Variants in COX7A2L observed in about 807,000 individuals in gnomAD.
COX7A2L encodes cytochrome c oxidase subunit 7A2 like, also known as cytochrome c oxidase subunit 7A2-like, mitochondrial.
Under a neutral mutation model 14.2 loss-of-function variants are expected in COX7A2L, and 18 were observed. The ratio of observed to expected loss-of-function variants is 1.27; its 90% confidence interval spans 0.88 to 1.88. COX7A2L has a LOEUF of 1.88. Among genes scored for constraint, COX7A2L ranks in the 40% most tolerant of loss-of-function variants. The pLI, the probability that COX7A2L is intolerant of heterozygous loss-of-function variation, is 0.00. For missense variants in COX7A2L, 179 were observed against 138.8 expected, an observed-to-expected ratio of 1.29 and a Z score of -1.46; for synonymous variants, 65 against 57.4, an observed-to-expected ratio of 1.13 and a Z score of -0.60.
intron 1 of COX7A2L, among the ~76,000 whole-genome samples, chr2:42,366,854 C>T (rs1465428739): frequency 6.6e-6 from 1 of 152,136 alleles, no homozygotes; most frequent in Non-Finnish European, 1.5e-5. Flanking sequence ...TTCAGCCTCC[C>T]TTCCCCAGAA....
chr2:42,338,369 A>G lies in COX7A2L; in HGVS notation c.193-4500T>C, dbSNP rs1166799025. Among the ~76,000 whole-genome samples the G allele has an allele frequency of 6.6e-6, 1 of 152,120 alleles. No individual in the cohort carries two copies. Among genetic ancestry groups the G allele is most frequent in the Admixed American group, 6.5e-5 (1 of 15,274 alleles). On this transcript the variant is annotated intron_variant, in intron 2 of 2. Coordinates refer to the COX7A2L transcript ENST00000468711. The surrounding 1 kb of genome is among the most constrained non-coding windows in gnomAD (Gnocchi z 4.4). ...TTAATCAAATGGAAAGGAAGAGCAGAATTTCACTCTCTAGCAGAGCCCTCC... is the reference window on the plus strand; with the variant it reads ...TTAATCAAATGGAAAGGAAGAGCAGGATTTCACTCTCTAGCAGAGCCCTCC...
At chr2:42,360,899 G>A (rs1398226111) in intron 1 of COX7A2L, 191 bp downstream of exon 1, 1 of 644,562 alleles carries the variant, frequency 1.6e-6, no homozygotes, top group African/African-American at 1.8e-5. Flanking sequence ...CCCGCCAGGT[G>A]AGCAGGTACA....
At chr2:42,353,635 ATC>A (rs1670722102) in intron 1 of COX7A2L, among the ~76,000 whole-genome samples, 1 of 152,176 alleles carries the variant, frequency 6.6e-6, no homozygotes, top group Non-Finnish European at 1.5e-5. Context: ...TTCATGAGGG[ATC>A]TGTCTGCCAT....
Position 42,351,252 on chromosome 2 carries a change from G to A in COX7A2L, c.312C>T (p.Ala104=), listed in dbSNP as rs778980599. The A allele has an allele frequency of 3.1e-6, 5 of 1,614,008 alleles. No individual in the cohort carries two copies. In the East Asian group the frequency reaches 6.7e-5, roughly 22 times the overall value. The change falls in exon 3 of 3, where the codon GCC becomes GCT. Residue 104 remains alanine (A), a synonymous_variant. Transcript: ENST00000234301. ...TVGGTIYCLI[A]LYMASQPKNK ...TTTTGGGCTGCGAAGCCATGTAGAG[G>A]GCGATCAGGCAGTAGATGGTCCCTC...
chr2:42,364,003 G>A (rs1472350885), upstream of COX7A2L, among the ~76,000 whole-genome samples: 1 of 152,158 alleles, frequency 6.6e-6, no homozygotes, highest in African/African-American at 2.4e-5. Flanking sequence ...GGGTAATACT[G>A]AGTAGAGATA....
chr2:42,362,863 C>CTT (rs529125372), upstream of COX7A2L, among the ~76,000 whole-genome samples: 4 of 134,248 alleles, frequency 3.0e-5, no homozygotes, highest in African/African-American at 2.8e-5. Context: ...TAGTGATTTC[C>CTT]TTTTTTTTTT....
Position 42,342,737 on chromosome 2 carries a change from G to A in COX7A2L, c.193-8868C>T, listed in dbSNP as rs1670424730. Reference sequence around the variant, plus strand: ...AGGCAGGATGTCCCAGGAGGGCTGTGTCAGAACTCAAGGAAAAAAATATGA... The same window carrying A: ...AGGCAGGATGTCCCAGGAGGGCTGTATCAGAACTCAAGGAAAAAAATATGA... On this transcript the variant is annotated intron_variant, in intron 2 of 2. Coordinates refer to the COX7A2L transcript ENST00000468711. This position sits in a 1 kb window ranked among gnomAD's most constrained non-coding sequence, Gnocchi z 4.9. 6.6e-6 allele frequency among the ~76,000 whole-genome samples: 1 copy of A among 152,182 alleles called. No homozygotes were observed. Among genetic ancestry groups the A allele is most frequent in the Non-Finnish European group, 1.5e-5 (1 of 68,032 alleles).
intron 1 of COX7A2L, among the ~76,000 whole-genome samples, chr2:42,358,421 T>C (rs903857882): frequency 3.3e-5 from 5 of 152,238 alleles, no homozygotes; most frequent in Admixed American, 3.3e-4. Flanking sequence ...TATTATGTTA[T>C]TTAGTGCATG....
intron 2 of COX7A2L, chr2:42,352,901 G>C: frequency 2.4e-6 from 1 of 416,716 alleles, no homozygotes; most frequent in Non-Finnish European, 4.2e-6. Context: ...GGGTCATTCA[G>C]TTATACAGGC....
intron 2 of COX7A2L, 165 bp downstream of exon 2, chr2:42,353,047 A>G: frequency 1.3e-6 from 1 of 789,406 alleles, no homozygotes; most frequent in Non-Finnish European, 2.0e-6. Context: ...GTATCTACCT[A>G]TATAAAGTTC....
At chr2:42,348,383 G>A (rs1368763604), downstream of COX7A2L, among the ~76,000 whole-genome samples, 1 of 152,152 alleles carries the variant, frequency 6.6e-6, no homozygotes, top group Non-Finnish European at 1.5e-5. Context: ...AAATCCGGCA[G>A]ACACAACTTC....
At chr2:42,357,284 C>T (rs927960847) in intron 1 of COX7A2L, among the ~76,000 whole-genome samples, 4 of 152,142 alleles carry the variant, frequency 2.6e-5, no homozygotes, top group African/African-American at 9.7e-5. Flanking sequence ...CAGTTTCAAT[C>T]TGCAGTGACT....
downstream of COX7A2L, among the ~76,000 whole-genome samples, chr2:42,347,921 CA>C (rs564006924): frequency 1.3e-5 from 2 of 148,728 alleles, no homozygotes; most frequent in Admixed American, 1.3e-4. Context: ...AACTCCATCT[CA>C]AAAAAAAAGA....
intron 2 of COX7A2L, among the ~76,000 whole-genome samples, chr2:42,341,687 A>G (rs1450588382): frequency 3.3e-5 from 5 of 152,250 alleles, no homozygotes; most frequent in African/African-American, 4.8e-5. Context: ...GGGAACAGCT[A>G]CCAAGTATAA....
chr2:42,342,571 T>C lies in COX7A2L; in HGVS notation c.193-8702A>G, dbSNP rs553077902. Among the ~76,000 whole-genome samples, 1 of 152,236 alleles carries C rather than the reference T, an allele frequency of 6.6e-6. No homozygotes were observed. The highest frequency in any genetic ancestry group is 2.1e-4 in the South Asian group (1 of 4,826). ...ACCATTTCTCACAGCCTGGGGCAGC[T>C]TGGAATGTGATATTTGGAGTCAGCA... On this transcript the variant is annotated intron_variant, in intron 2 of 2. Transcript: ENST00000468711. The surrounding 1 kb of genome is among the most constrained non-coding windows in gnomAD (Gnocchi z 4.9).
At chr2:42,367,298 G>C (rs1269573153) in intron 1 of COX7A2L, among the ~76,000 whole-genome samples, 1 of 152,130 alleles carries the variant, frequency 6.6e-6, no homozygotes, top group Non-Finnish European at 1.5e-5. Context: ...GAGTCTCAGA[G>C]GTGAAATGAT....
chr2:42,365,421 G>T (rs1671145982), upstream of COX7A2L, among the ~76,000 whole-genome samples: 1 of 152,178 alleles, frequency 6.6e-6, no homozygotes, highest in Non-Finnish European at 1.5e-5. Context: ...GACATCAGGA[G>T]TTCGGGACCA....
downstream of COX7A2L, among the ~76,000 whole-genome samples, chr2:42,346,208 C>A (rs1015026189): frequency 1.3e-5 from 2 of 152,112 alleles, no homozygotes; most frequent in Non-Finnish European, 2.9e-5. Context: ...ACAACAATTT[C>A]CTTCCAAATC....
chr2:42,364,238 G>A (rs1218201216), upstream of COX7A2L, among the ~76,000 whole-genome samples: 5 of 106,110 alleles, frequency 4.7e-5, no homozygotes, highest in African/African-American at 1.8e-4. Flanking sequence ...GCGACAGAGC[G>A]AGACTCCGTC....
Sources: gnomAD v4.1 joint callset for allele counts (sites outside exome capture counted in the v4.1 genomes callset) on GRCh38, gnomAD v4.1.1 for gene constraint, Gnocchi (gnomAD v3.1) non-coding constraint, MANE v1.5 for transcripts, NCBI Gene and HGNC (gene_info 2026-07-23, HGNC 2026-07-21) for gene names.